The following ABITRAM variants were observed in gnomAD, a reference collection of about 807,000 sequenced individuals.
The protein encoded by ABITRAM is protein Abitram.
ABITRAM carries 19 observed loss-of-function variants against 22.9 expected under a neutral mutation model. The observed-to-expected ratio is 0.83, with a 90% CI of 0.58 to 1.22. The LOEUF is 1.22. Ranked by LOEUF, ABITRAM falls within the 50% of genes most tolerant of loss-of-function variation. The pLI, the probability that ABITRAM is intolerant of heterozygous loss-of-function variation, is 0.00. For synonymous variants in ABITRAM, 70 were observed against 73.9 expected, an observed-to-expected ratio of 0.95 and a Z score of 0.27; for missense variants, 215 against 220.2, an observed-to-expected ratio of 0.98 and a Z score of 0.15.
chr9:108,950,700 T>C (rs1830537663), exon 4 of ABITRAM: 2 of 1,425,336 alleles, frequency 1.4e-6, no homozygotes, highest in Middle Eastern at 1.8e-4. Context: ...ATCTTTTCAG[T>C]CTTTCTGGTG....
chr9:108,939,600 A>G lies in ABITRAM; in HGVS notation c.460A>G (p.Lys154Glu), dbSNP rs1359781667. 2 of 1,614,050 alleles carry G rather than the reference A, an allele frequency of 1.2e-6. No homozygotes were observed. The highest frequency in any genetic ancestry group is 1.7e-6 in the Non-Finnish European group (2 of 1,180,010). The change falls in exon 6 of 6, where the codon AAA (lysine) becomes GAA (glutamate). Residue 154 changes from lysine to glutamate, a missense_variant. Lys to Glu is a moderately conservative substitution (Grantham distance 56, BLOSUM62 1). Coordinates refer to ENST00000322940, the MANE Select transcript of ABITRAM (RefSeq NM_017832.4). ...AVVLPKFEESKSITEGLLTQK... is the reference protein window; with the variant it reads ...AVVLPKFEESESITEGLLTQK... ...TGTGTTACCCAAATTTGAAGAAAGT[A>G]AAAGCATAACAGAAGGGTTACTGAC...
Position 108,934,437 on chromosome 9 carries a change from A to C in ABITRAM, c.-50A>C. 1 of 1,495,520 alleles carries C rather than the reference A, an allele frequency of 6.7e-7. No individual in the cohort carries two copies. Among genetic ancestry groups the C allele is most frequent in the Non-Finnish European group, 9.0e-7 (1 of 1,110,414 alleles). The allele number at this position is 1,495,520 out of a possible 1,614,324, so 92.6% of individuals were successfully genotyped here. On this transcript the variant is annotated 5_prime_UTR_variant, in exon 1 of 6. Transcript: ENST00000322940. ...AGCACGCCCAGTCCGGGCTGCGCGG[A>C]GGAAGCGCTGGGGTCCCGGAGGGCG...
At chr9:108,947,306 G>A (rs1484104808) in intron 3 of ABITRAM, among the ~76,000 whole-genome samples, 3 of 152,020 alleles carry the variant, frequency 2.0e-5, no homozygotes, top group Admixed American at 2.0e-4. Context: ...GTGGAGACAG[G>A]GTTCCACCGT....
At chr9:108,950,229 T>G (rs1367610874) in intron 3 of ABITRAM, among the ~76,000 whole-genome samples, 1 of 152,238 alleles carries the variant, frequency 6.6e-6, no homozygotes, top group African/African-American at 2.4e-5. Flanking sequence ...TCAGTTAGTC[T>G]GTGCAAATTT....
In ABITRAM at chr9:108,939,748, A is replaced by C. The variant is rs1168998028; in HGVS notation, c.*62A>C. On this transcript the variant is annotated 3_prime_UTR_variant, in exon 6 of 6. Transcript: ENST00000322940. Reference sequence around the variant, plus strand: ...GTTACCTGGCCTAAACCATCAGGGTACTAAAGGAGAAGAACCAGTATATGT... The same window carrying C: ...GTTACCTGGCCTAAACCATCAGGGTCCTAAAGGAGAAGAACCAGTATATGT... The C allele has an allele frequency of 6.3e-7, 1 of 1,585,640 alleles. No individual in the cohort carries two copies. The highest frequency in any genetic ancestry group is 1.7e-4 in the Middle Eastern group (1 of 5,902).
intron 3 of ABITRAM, 66 bp downstream of exon 3, chr9:108,936,503 A>G (rs763426640): frequency 4.5e-6 from 7 of 1,543,124 alleles, no homozygotes; most frequent in South Asian, 2.4e-5. Flanking sequence ...GACAGATCCA[A>G]TGAACCTTAG....
rs755108119 is a variant in ABITRAM, at chr9:108,939,372, A to T, written c.339-13A>T. On this transcript the variant is annotated splice_polypyrimidine_tract_variant and intron_variant, in intron 4 of 5. Coordinates refer to ENST00000322940, the MANE Select transcript of ABITRAM (RefSeq NM_017832.4). ...CTAAGTAAACATGCTGAAATCTTAA[A>T]TTTTTTTAATAGTTGTGTTAGAGGA... The T allele has an allele frequency of 1.3e-6, 2 of 1,599,626 alleles. No individual in the cohort carries two copies. The highest frequency in any genetic ancestry group is 2.3e-5 in the South Asian group (2 of 87,632).
Position 108,934,500 on chromosome 9 carries a change from C to T in ABITRAM, c.14C>T (p.Pro5Leu), listed in dbSNP as rs764379010. Residue 5 changes from proline to leucine, a missense_variant, in exon 1 of 6, where the codon CCC (proline) becomes CTC (leucine). By Grantham distance (98) the Pro-to-Leu change is moderately conservative. Transcript: ENST00000322940. ...CCGGAGGTCGCCATGGCTACCGAGC[C>T]CGAAGCCGCGGAGCCGGTGGTGCCT... MATE[P>L]EAAEPVVPSL... 5.6e-6 allele frequency: 9 copies of T among 1,604,636 alleles called. No homozygotes were observed. Among genetic ancestry groups the T allele is most frequent in the Admixed American group, 3.4e-5 (2 of 59,428 alleles).
chr9:108,936,503 A>C (rs763426640), intron 3 of ABITRAM, 66 bp downstream of exon 3: 5 of 1,543,124 alleles, frequency 3.2e-6, no homozygotes, highest in Non-Finnish European at 4.4e-6. Context: ...GACAGATCCA[A>C]TGAACCTTAG....
At chr9:108,936,811 A>G (rs572537205) in intron 3 of ABITRAM, among the ~76,000 whole-genome samples, 6 of 152,062 alleles carry the variant, frequency 3.9e-5, no homozygotes, top group Admixed American at 1.3e-4. Flanking sequence ...TCTTTACCAT[A>G]TATTTCCACA....
At chr9:108,948,500 T>C (rs1026832002) in intron 3 of ABITRAM, among the ~76,000 whole-genome samples, 1 of 152,242 alleles carries the variant, frequency 6.6e-6, no homozygotes, top group Non-Finnish European at 1.5e-5. Flanking sequence ...GTTCCATTTC[T>C]CTTTTTAACC....
chr9:108,935,306 C>T (rs374837945), intron 1 of ABITRAM, among the ~76,000 whole-genome samples: 6 of 152,210 alleles, frequency 3.9e-5, no homozygotes, highest in Admixed American at 2.0e-4. Context: ...AAACCACCAA[C>T]AAAAAATATA....
chr9:108,945,801 A>G (rs1037693878), downstream of ABITRAM, among the ~76,000 whole-genome samples: 1 of 152,076 alleles, frequency 6.6e-6, no homozygotes, highest in Non-Finnish European at 1.5e-5. Flanking sequence ...AATATTTTCA[A>G]TCCATAGTTG....
rs1241555018 is a variant in ABITRAM at position 108,946,091 on chromosome 9, GAGATCGAGACC to G, written c.262-4414_262-4404del. Among the ~76,000 whole-genome samples, 3 of 152,060 alleles carry G rather than the reference GAGATCGAGACC, an allele frequency of 2.0e-5. No individual in the cohort carries two copies. In the East Asian group the frequency reaches 5.8e-4, roughly 29 times the overall value. ...TGAGGCGGGCGAATCACAAGGTCAA[GAGATCGAGACC>G]ATCCTGGCCAACATGGTGAAACCCT... is the stretch of plus-strand genomic sequence containing the variant. On this transcript the variant is annotated intron_variant, in intron 3 of 3. Transcript: ENST00000374624.
exon 4 of ABITRAM, chr9:108,950,598 C>G: frequency 6.5e-7 from 1 of 1,549,798 alleles, no homozygotes; most frequent in Admixed American, 2.0e-5. Flanking sequence ...TCTTAATCCT[C>G]CTTCTATAGG....
At chr9:108,949,939 G>A (rs1175769654) in intron 3 of ABITRAM, among the ~76,000 whole-genome samples, 1 of 149,332 alleles carries the variant, frequency 6.7e-6, no homozygotes, top group Non-Finnish European at 1.5e-5. Flanking sequence ...CATGAGAATT[G>A]CTTGAACTCA....
chr9:108,939,422 A>T lies in ABITRAM; in HGVS notation c.376A>T (p.Ile126Phe). The change falls in exon 5 of 6, where the codon ATC becomes TTC. Residue 126 changes from isoleucine (I) to phenylalanine (F), a missense_variant. Coordinates refer to ENST00000322940, the MANE Select transcript of ABITRAM (RefSeq NM_017832.4). The stretch of plus-strand genomic sequence containing the variant: ...ACGTTTGATGGAAGTGAATGAAAAC[A>T]TCCTCCATAAGCCATCTATTCTTCA... Reference protein sequence around the residue: ...RGRLMEVNENILHKPSILQEK... With the variant: ...RGRLMEVNENFLHKPSILQEK... 15 of 1,611,738 alleles carry T rather than the reference A, an allele frequency of 9.3e-6. No individual in the cohort carries two copies. The highest frequency in any genetic ancestry group is 1.1e-5 in the Non-Finnish European group (13 of 1,179,454).
At chr9:108,942,262 C>T (rs1169033979), downstream of ABITRAM, among the ~76,000 whole-genome samples, 1 of 152,180 alleles carries the variant, frequency 6.6e-6, no homozygotes, top group African/African-American at 2.4e-5. Flanking sequence ...AGGGAACAAA[C>T]TTGCTGCTGG....
chr9:108,937,176 AAAC>A (rs1203303032), intron 3 of ABITRAM, among the ~76,000 whole-genome samples: 1 of 152,176 alleles, frequency 6.6e-6, no homozygotes, highest in Non-Finnish European at 1.5e-5. Flanking sequence ...AAAAAAACAA[AAAC>A]AAAAACATGA....
Sources: allele counts gnomAD v4.1 joint callset (sites outside exome capture counted in the v4.1 genomes callset), GRCh38; gene constraint gnomAD v4.1.1; transcripts MANE v1.5; gene names NCBI Gene and HGNC (gene_info 2026-07-23, HGNC 2026-07-21).